The following KIFC3 variants were observed in gnomAD, a reference collection of about 807,000 sequenced individuals.
The protein encoded by KIFC3 is kinesin-like protein KIFC3.
Under a neutral mutation model 101.8 loss-of-function variants are expected in KIFC3, and 60 were observed. The ratio of observed to expected loss-of-function variants is 0.59; its 90% CI spans 0.48 to 0.73. KIFC3 has a LOEUF of 0.73. Ranked by LOEUF, KIFC3 falls within the 30% of genes least tolerant of loss-of-function variation. KIFC3 has a pLI of 0.00. For synonymous variants in KIFC3, 476 were observed against 482.7 expected, an observed-to-expected ratio of 0.99 and a Z score of 0.18; for missense variants, 966 against 1,137.1, an observed-to-expected ratio of 0.85 and a Z score of 2.16.
At chr16:57,780,590 A>G (rs1473757540) in intron 3 of KIFC3, among the ~76,000 whole-genome samples, 3 of 150,684 alleles carry the variant, frequency 2.0e-5, no homozygotes, top group Non-Finnish European at 4.4e-5. Context: ...AAAAAAAAAA[A>G]AAGAAGAAGG....
At chr16:57,836,884 G>A (rs868918539) in intron 1 of KIFC3, among the ~76,000 whole-genome samples, 1 of 152,064 alleles carries the variant, frequency 6.6e-6, no homozygotes, top group South Asian at 2.1e-4. Context: ...TGTAGAGATA[G>A]GGTCTTGTGG....
At chr16:57,792,096 A>G (rs2053923224) in intron 3 of KIFC3, among the ~76,000 whole-genome samples, 1 of 152,174 alleles carries the variant, frequency 6.6e-6, no homozygotes, top group African/African-American at 2.4e-5. Flanking sequence ...CCTGTCCACA[A>G]TTTGTACACA....
chr16:57,850,328 A>C (rs1380447975), intron 1 of KIFC3, among the ~76,000 whole-genome samples: 2 of 151,000 alleles, frequency 1.3e-5, no homozygotes, highest in Non-Finnish European at 3.0e-5. Context: ...GCTTGAGCCC[A>C]GGAATTTGAG....
intron 3 of KIFC3, among the ~76,000 whole-genome samples, chr16:57,786,637 C>A (rs540147138): frequency 6.6e-6 from 1 of 152,116 alleles, no homozygotes; most frequent in East Asian, 1.9e-4. Flanking sequence ...GGCCAGAGAG[C>A]GCTGCCCTCC....
chr16:57,787,856 C>A (rs1439886993), intron 3 of KIFC3, among the ~76,000 whole-genome samples: 1 of 152,220 alleles, frequency 6.6e-6, no homozygotes, highest in East Asian at 1.9e-4. Context: ...CACCACATGG[C>A]AAGTTCAGAC....
intron 3 of KIFC3, among the ~76,000 whole-genome samples, chr16:57,782,763 G>C (rs1308367996): frequency 1.3e-5 from 2 of 152,224 alleles, no homozygotes; most frequent in African/African-American, 4.8e-5. Context: ...GAACAACATG[G>C]TGAAACCCCG....
At chr16:57,840,298 A>C (rs551272333) in intron 1 of KIFC3, among the ~76,000 whole-genome samples, 1 of 152,214 alleles carries the variant, frequency 6.6e-6, no homozygotes, top group Admixed American at 6.5e-5. Context: ...AGATCGAGCC[A>C]CTGAACTCCA....
At chr16:57,822,764 A>G (rs1042549561) in intron 1 of KIFC3, among the ~76,000 whole-genome samples, 1 of 152,148 alleles carries the variant, frequency 6.6e-6, no homozygotes, top group Non-Finnish European at 1.5e-5. Context: ...ATACAAAGAA[A>G]AACTCAGAGA....
In KIFC3 at chr16:57,802,151, T is replaced by G. The variant is rs1555625706; in HGVS notation, c.-40+219A>C. On this transcript the variant is annotated intron_variant, in intron 1 of 19. Transcript: ENST00000445690. This position sits in a 1 kb window ranked among gnomAD's most constrained non-coding sequence, Gnocchi z 5.0. Reference sequence around the variant, plus strand: ...CGGATCCCGTGGGACACGCCGCCCCTGTGCCCAGCTCCCAGCAAGGTCCTC... The same window carrying G: ...CGGATCCCGTGGGACACGCCGCCCCGGTGCCCAGCTCCCAGCAAGGTCCTC... Among the ~76,000 whole-genome samples the G allele has an allele frequency of 1.3e-5, 2 of 152,208 alleles. No individual in the cohort carries two copies. Among genetic ancestry groups the G allele is most frequent in the Non-Finnish European group, 2.9e-5 (2 of 68,018 alleles).
At chr16:57,843,828 C>A (rs1167945892) in intron 1 of KIFC3, among the ~76,000 whole-genome samples, 2 of 152,132 alleles carry the variant, frequency 1.3e-5, no homozygotes, top group African/African-American at 4.8e-5. Context: ...CTTTCCTTGG[C>A]CGGGCATGGT....
At chr16:57,771,732 G>C (rs1555608806) in intron 4 of KIFC3, 46 bp from the exon 5 acceptor site, 1 of 1,580,048 alleles carries the variant, frequency 6.3e-7, no homozygotes, top group Admixed American at 1.8e-5. Context: ...GAGGGCAGAT[G>C]ACGGGGGAAA....
At chr16:57,786,676 C>T (rs2053359352) in intron 3 of KIFC3, among the ~76,000 whole-genome samples, 1 of 152,138 alleles carries the variant, frequency 6.6e-6, no homozygotes, top group South Asian at 2.1e-4. Context: ...CTAGGTGTTC[C>T]CACATTAGTC....
chr16:57,816,595 G>A (rs1555628884), intron 1 of KIFC3: 3 of 456,598 alleles, frequency 6.6e-6, no homozygotes, highest in Non-Finnish European at 1.3e-5. Context: ...TGCCAGACAG[G>A]TTCCTGAGGC....
intron 1 of KIFC3, among the ~76,000 whole-genome samples, chr16:57,813,294 C>G (rs2055135858): frequency 6.6e-6 from 1 of 151,918 alleles, no homozygotes; most frequent in African/African-American, 2.4e-5. Flanking sequence ...CGCCACTGCA[C>G]TCCAGCCTGG....
chr16:57,761,207 G>T, intron 14 of KIFC3, 36 bp from the exon 15 acceptor site: 1 of 1,609,826 alleles, frequency 6.2e-7, no homozygotes, highest in South Asian at 1.1e-5. Flanking sequence ...GCACAGCGTT[G>T]AGAATGGGGT....
At chr16:57,844,193 G>C (rs1205710528) in intron 1 of KIFC3, among the ~76,000 whole-genome samples, 1 of 151,960 alleles carries the variant, frequency 6.6e-6, no homozygotes. Context: ...AGCACTTTGG[G>C]AGGCTGAGAC....
At chr16:57,802,869 T>G, upstream of KIFC3, 1 of 1,196,106 alleles carries the variant, frequency 8.4e-7, no homozygotes. This position sits in a 1 kb window ranked among gnomAD's most constrained non-coding sequence, Gnocchi z 5.0. Context: ...GTGCAAAACT[T>G]CCACGCGAGT....
chr16:57,800,271 C>T (rs2054633744), intron 1 of KIFC3, among the ~76,000 whole-genome samples: 1 of 152,226 alleles, frequency 6.6e-6, no homozygotes, highest in African/African-American at 2.4e-5. Flanking sequence ...CTAGGAGGCT[C>T]CTAGGTTCAG....
intron 1 of KIFC3, among the ~76,000 whole-genome samples, chr16:57,860,868 C>T (rs1313389907): frequency 1.3e-4 from 20 of 152,052 alleles, no homozygotes; most frequent in African/African-American, 4.6e-4. Flanking sequence ...CATACCACCA[C>T]GCCTGGCTAA....
Sources: allele counts gnomAD v4.1 joint callset (sites outside exome capture counted in the v4.1 genomes callset), GRCh38; gene constraint gnomAD v4.1.1; non-coding constraint Gnocchi (gnomAD v3.1); transcripts MANE v1.5; gene names NCBI Gene and HGNC (gene_info 2026-07-23, HGNC 2026-07-21).